Variants in OSBPL3 observed in about 807,000 individuals in gnomAD.
OSBPL3 encodes oxysterol binding protein like 3.
Under a neutral mutation model 120.1 loss-of-function variants are expected in OSBPL3, and 65 were observed. The ratio of observed to expected loss-of-function variants is 0.54; its 90% CI spans 0.44 to 0.67. The LOEUF (loss-of-function observed/expected upper bound fraction) is 0.67. Ranked by LOEUF, OSBPL3 falls within the 30% of genes least tolerant of loss-of-function variation. The pLI is 0.00. For missense variants in OSBPL3, 1,004 were observed against 1,082.1 expected (o/e 0.93, Z 1.01); for synonymous variants, 416 against 402.6 (o/e 1.03, Z -0.40).
intron 1 of OSBPL3, among the ~76,000 whole-genome samples, chr7:24,927,258 A>T (rs1811174935): frequency 6.6e-6 from 1 of 152,248 alleles, no homozygotes; most frequent in South Asian, 2.1e-4. Context: ...TTTTATGTGC[A>T]GTTTAGAGTT....
chr7:24,947,252 T>A lies in OSBPL3; in HGVS notation c.-150+32634A>T, dbSNP rs1813839632. On this transcript the variant is annotated intron_variant, in intron 1 of 22. Coordinates refer to ENST00000313367, the MANE Select transcript of OSBPL3 (RefSeq NM_015550.4). This position sits in a 1 kb window ranked among gnomAD's most constrained non-coding sequence, Gnocchi z 4.4. The stretch of plus-strand genomic sequence containing the variant: ...TTAGAAAATAAAAGCAAAACTGAGT[T>A]CCTATAAATGTGTGGGATGTCACTA... Among the ~76,000 whole-genome samples, 1 of 152,110 alleles carries A rather than the reference T, an allele frequency of 6.6e-6. No individual in the cohort carries two copies. Among genetic ancestry groups the A allele is most frequent in the Non-Finnish European group, 1.5e-5 (1 of 68,034 alleles).
chr7:24,869,054 CCTGA>C (rs1236981851), intron 5 of OSBPL3, among the ~76,000 whole-genome samples: 5 of 152,278 alleles, frequency 3.3e-5, no homozygotes, highest in Admixed American at 2.0e-4. Context: ...TTAAAAACTG[CCTGA>C]CTGAGTCTAA....
chr7:24,806,884 T>G lies in OSBPL3; in HGVS notation c.2336A>C (p.Tyr779Ser), dbSNP rs559588690. The G allele has an allele frequency of 6.2e-7, 1 of 1,612,110 alleles. No individual in the cohort carries two copies. The highest frequency in any genetic ancestry group is 8.5e-7 in the Non-Finnish European group (1 of 1,179,128). ...CTGTGTGAAGCTATAGTATTGCTCG[T>G]AGCCTTTCGGCATAGGATCTAAGAA... ...VWRANPMPKG[Y>S]EQYYSFTQFA... The change falls in exon 21 of 23, where the codon TAC becomes TCC. Residue 779 changes from tyrosine (Y) to serine (S), a missense_variant. Around this residue, in one of 4 missense-constraint regions of OSBPL3, gnomAD observed 473 missense variants for 568.0 expected, o/e 0.83. Coordinates refer to ENST00000313367, the MANE Select transcript of OSBPL3 (RefSeq NM_015550.4). This position sits in a 1 kb window ranked among gnomAD's most constrained non-coding sequence, Gnocchi z 5.2.
At chr7:24,921,321 T>C (rs181365994) in intron 1 of OSBPL3, among the ~76,000 whole-genome samples, 8 of 152,224 alleles carry the variant, frequency 5.3e-5, no homozygotes, top group East Asian at 3.9e-4. Flanking sequence ...AAGAATGACA[T>C]AGGCTAATGA....
chr7:24,981,727 C>G (rs1338640775), upstream of OSBPL3: 1 of 152,342 alleles, frequency 6.6e-6, no homozygotes, highest in Non-Finnish European at 1.5e-5. The surrounding 1 kb of genome is among the most constrained non-coding windows in gnomAD (Gnocchi z 7.3). Flanking sequence ...CTGCCCACGT[C>G]GGCACACGGA....
At chr7:24,847,705 AG>A (rs1404552279) in intron 12 of OSBPL3, among the ~76,000 whole-genome samples, 1 of 152,238 alleles carries the variant, frequency 6.6e-6, no homozygotes, top group Non-Finnish European at 1.5e-5. Flanking sequence ...ACTATTTAAA[AG>A]GTAAATACTG....
At chr7:24,943,206 G>T (rs1230987590) in intron 1 of OSBPL3, among the ~76,000 whole-genome samples, 2 of 152,182 alleles carry the variant, frequency 1.3e-5, no homozygotes, top group Admixed American at 6.5e-5. Flanking sequence ...TCCCTTCCAT[G>T]GTTGCCCTGG....
Position 24,863,322 on chromosome 7 carries a change from G to T in OSBPL3, c.778-30C>A. ...GTTTCAAAACAGGAAAGAGAGCACA[G>T]ACAGTAAAGTCCACCAAACCGACAA... On this transcript the variant is annotated intron_variant, in intron 8 of 22. Transcript: ENST00000313367. The surrounding 1 kb of genome is among the most constrained non-coding windows in gnomAD (Gnocchi z 5.8). The T allele has an allele frequency of 1.3e-6, 2 of 1,576,840 alleles. No individual in the cohort carries two copies. The highest frequency in any genetic ancestry group is 1.7e-6 in the Non-Finnish European group (2 of 1,145,924).
rs994131190 is a variant in OSBPL3, at chr7:24,855,123, A to G, written c.1028-2489T>C. Among the ~76,000 whole-genome samples, 5 of 152,100 alleles carry G rather than the reference A, an allele frequency of 3.3e-5. No individual in the cohort carries two copies. The highest frequency in any genetic ancestry group is 1.2e-4 in the African/African-American group (5 of 41,396). On this transcript the variant is annotated intron_variant, in intron 10 of 22. Coordinates refer to ENST00000313367, the MANE Select transcript of OSBPL3 (RefSeq NM_015550.4). The surrounding 1 kb of genome is among the most constrained non-coding windows in gnomAD (Gnocchi z 4.3). ...TGTAGGAGAACAGCCTTGGGAGGAGAGCAGCAAGCCACACAGTTACGGACT... is the reference window on the plus strand; with the variant it reads ...TGTAGGAGAACAGCCTTGGGAGGAGGGCAGCAAGCCACACAGTTACGGACT...
intron 1 of OSBPL3, among the ~76,000 whole-genome samples, chr7:24,917,401 C>CATATACATATATATATATATATAT (rs1809739534): frequency 2.0e-5 from 2 of 100,050 alleles, no homozygotes; most frequent in African/African-American, 7.6e-5. Flanking sequence ...ATATTTGTAA[C>CATATACATATATATATATATATAT]ATATATATAT....
chr7:24,849,255 G>A lies in OSBPL3; in HGVS notation c.1159-79C>T, dbSNP rs1176511240. ...GCACAGCAGTGGGCCCTGCAGGAGC[G>A]ATCTCTAAGAGCTTGATGAAACTCT... On this transcript the variant is annotated intron_variant, in intron 11 of 22. Transcript: ENST00000313367. This position sits in a 1 kb window ranked among gnomAD's most constrained non-coding sequence, Gnocchi z 5.4. 13 of 1,024,294 alleles carry A rather than the reference G, an allele frequency of 1.3e-5. No homozygotes were observed. The East Asian group carries it at 1.5e-4, about 12-fold the overall frequency. The allele number at this position is 1,024,294 out of a possible 1,614,324, so 63.5% of individuals were successfully genotyped here.
In OSBPL3 at chr7:24,818,600, G is replaced by A. The variant is rs962455126; in HGVS notation, c.1948+1575C>T. On this transcript the variant is annotated intron_variant, in intron 17 of 22. Transcript: ENST00000313367. The surrounding 1 kb of genome is among the most constrained non-coding windows in gnomAD (Gnocchi z 4.0). ...TAAGTATAGCTAATAAGCTAACAGG[G>A]GAGATGAAAGAGAATGATAGAAATT... 2.0e-5 allele frequency among the ~76,000 whole-genome samples: 3 copies of A among 152,078 alleles called. No individual in the cohort carries two copies. The highest frequency in any genetic ancestry group is 7.2e-5 in the African/African-American group (3 of 41,382).
intron 10 of OSBPL3, among the ~76,000 whole-genome samples, chr7:24,861,410 T>C (rs544308546): frequency 7.2e-5 from 11 of 152,268 alleles, no homozygotes; most frequent in East Asian, 3.9e-4. Context: ...CTCTCTCTCA[T>C]TGTCTCCCCC....
Position 24,883,184 on chromosome 7 carries a change from G to C in OSBPL3, c.96+9193C>G, listed in dbSNP as rs1164285582. ...GTGATTCATCTGAAGTAGGAACAGA[G>C]AGGAGGTGATTTAGGGTGATGTGGG... On this transcript the variant is annotated intron_variant, in intron 2 of 22. Transcript: ENST00000313367. This position sits in a 1 kb window ranked among gnomAD's most constrained non-coding sequence, Gnocchi z 5.4. Among the ~76,000 whole-genome samples, 1 of 152,310 alleles carries C rather than the reference G, an allele frequency of 6.6e-6. No homozygotes were observed. Among genetic ancestry groups the C allele is most frequent in the East Asian group, 1.9e-4 (1 of 5,188 alleles).
intron 19 of OSBPL3, 93 bp downstream of exon 19, chr7:24,814,966 A>G: frequency 1.6e-6 from 2 of 1,233,032 alleles, no homozygotes; most frequent in Non-Finnish European, 2.3e-6. Flanking sequence ...CATAAAGGTG[A>G]AGGCGAAAAA....
chr7:24,906,687 G>A (rs1474774933), intron 1 of OSBPL3: 1 of 152,356 alleles, frequency 6.6e-6, no homozygotes, highest in African/African-American at 2.4e-5. Flanking sequence ...CCACATCTTG[G>A]CTATCATCAA....
chr7:24,890,189 C>T (rs932589763), intron 2 of OSBPL3, among the ~76,000 whole-genome samples: 14 of 152,172 alleles, frequency 9.2e-5, no homozygotes, highest in African/African-American at 3.4e-4. Context: ...TTGAAAATGA[C>T]TTTAAACTGG....
rs915253986 is a variant in OSBPL3 at position 24,805,209 on chromosome 7, G to A, written c.2445-772C>T. On this transcript the variant is annotated intron_variant, in intron 21 of 22. Coordinates refer to ENST00000313367, the MANE Select transcript of OSBPL3 (RefSeq NM_015550.4). This position sits in a 1 kb window ranked among gnomAD's most constrained non-coding sequence, Gnocchi z 4.0. ...AATTTATATTCCCATCAGCAATGCTGAGAGTGCCCTTTTCTCCCATAACCT... is the reference window on the plus strand; with the variant it reads ...AATTTATATTCCCATCAGCAATGCTAAGAGTGCCCTTTTCTCCCATAACCT... 2.6e-5 allele frequency among the ~76,000 whole-genome samples: 4 copies of A among 152,198 alleles called. No homozygotes were observed. Among genetic ancestry groups the A allele is most frequent in the Non-Finnish European group, 5.9e-5 (4 of 68,040 alleles).
chr7:24,931,856 C>A (rs1433461322), intron 1 of OSBPL3, among the ~76,000 whole-genome samples: 4 of 152,150 alleles, frequency 2.6e-5, no homozygotes, highest in African/African-American at 9.7e-5. Flanking sequence ...ATCAACAAGA[C>A]TGATACTGTC....
Sources: gnomAD v4.1 joint callset for allele counts (sites outside exome capture counted in the v4.1 genomes callset) on GRCh38, gnomAD v4.1.1 for gene constraint, gnomAD v4.1.1 regional missense constraint, Gnocchi (gnomAD v3.1) non-coding constraint, MANE v1.5 for transcripts, NCBI Gene and HGNC (gene_info 2026-07-23, HGNC 2026-07-21) for gene names.